The following LARP4B variants were observed in gnomAD, a reference collection of about 807,000 sequenced individuals.
LARP4B encodes the protein La ribonucleoprotein 4B, also known as la-related protein 4B.
Under a neutral mutation model 89.8 loss-of-function variants are expected in LARP4B, and 12 were observed. The ratio of observed to expected loss-of-function variants is 0.13; its 90% CI spans 0.09 to 0.22. The LOEUF (loss-of-function observed/expected upper bound fraction) is 0.22. LARP4B is among the 10% of genes least tolerant of loss of function. The pLI, the probability that LARP4B is intolerant of heterozygous loss-of-function variation, is 1.00. For missense variants in LARP4B, 757 were observed against 947.7 expected (o/e 0.80, Z 2.64); for synonymous variants, 367 against 363.3 (o/e 1.01, Z -0.12).
chr10:812,541 TA>T lies in LARP4B; in HGVS notation c.*384del, dbSNP rs58718835. On this transcript the variant is annotated 3_prime_UTR_variant, in exon 18 of 18. Transcript: ENST00000316157. The stretch of plus-strand genomic sequence containing the variant: ...GATATGCACTTACAGACCAGTTACT[TA>T]AAAAAAAAAAAAAAAAGCAGAGTTC... The T allele has an allele frequency of 2.7e-3, 363 of 132,898 alleles. No individual in the cohort carries two copies. The highest frequency in any genetic ancestry group is 3.9e-3 in the Middle Eastern group (1 of 254). The allele number at this position is 132,898 out of a possible 1,614,324, so 8.2% of individuals were successfully genotyped here.
chr10:823,724 C>T (rs1832474152), intron 13 of LARP4B, among the ~76,000 whole-genome samples: 1 of 151,944 alleles, frequency 6.6e-6, no homozygotes, highest in South Asian at 2.1e-4. Flanking sequence ...AACCCTCCTC[C>T]CTCCAAGCGT....
At chr10:967,244 C>T in the LARP4B span, among the ~76,000 whole-genome samples, 7 of 152,082 alleles carry the variant, frequency 4.6e-5, no homozygotes, top group African/African-American at 1.7e-4. Context: ...ATGGGCGCAG[C>T]GCAGGGAGGA....
chr10:919,493 TG>T (rs1342742468), intron 1 of LARP4B, among the ~76,000 whole-genome samples: 1 of 149,788 alleles, frequency 6.7e-6, no homozygotes, highest in South Asian at 2.1e-4. Flanking sequence ...GAAGAATAAA[TG>T]GGGGGAAAAA....
intron 17 of LARP4B, among the ~76,000 whole-genome samples, chr10:813,894 C>T (rs771940761): frequency 1.3e-5 from 2 of 151,126 alleles, no homozygotes; most frequent in South Asian, 4.2e-4. Flanking sequence ...CTCTGCCTTC[C>T]GGGTTCAAGT....
intron 8 of LARP4B, among the ~76,000 whole-genome samples, chr10:833,265 A>AG (rs1564391994): frequency 6.8e-6 from 1 of 147,208 alleles, no homozygotes; most frequent in African/African-American, 2.5e-5. Context: ...AAAAAAAAAA[A>AG]AAAAAAAAAA....
chr10:857,126 C>A (rs930046611), intron 5 of LARP4B, among the ~76,000 whole-genome samples: 1 of 152,060 alleles, frequency 6.6e-6, no homozygotes, highest in Non-Finnish European at 1.5e-5. Flanking sequence ...AGTTACAAGG[C>A]ATACACAAAG....
rs61741957 is a variant in LARP4B at position 817,866 on chromosome 10, C to T, written c.1554G>A (p.Thr518=). The change falls in exon 15 of 18, where the codon ACG becomes ACA. Residue 518 remains threonine, a synonymous_variant. Coordinates refer to ENST00000316157, the MANE Select transcript of LARP4B (RefSeq NM_015155.3). ...AGCTTGGCGACGGAGGCTTTGGTGG[C>T]GTTGGAGACTGTGTCTGGCTGCTCT... is the stretch of plus-strand genomic sequence containing the variant. ...KFTSSQTQSP[T]PPKPPSPSFE... The T allele has an allele frequency of 2.5e-4, 396 of 1,613,962 alleles. No homozygotes were observed. The African/African-American group carries it at 4.1e-3, about 17-fold the overall frequency.
chr10:933,693 T>TA (rs1830713825), upstream of LARP4B, among the ~76,000 whole-genome samples: 6 of 152,346 alleles, frequency 3.9e-5, no homozygotes, highest in South Asian at 8.3e-4. Flanking sequence ...CCCTGACCAG[T>TA]AGGCCATAGT....
chr10:956,507 A>G, the LARP4B span, among the ~76,000 whole-genome samples: 17 of 151,962 alleles, frequency 1.1e-4, no homozygotes, highest in South Asian at 4.2e-4. The surrounding 1 kb of genome is among the most constrained non-coding windows in gnomAD (Gnocchi z 4.3). Flanking sequence ...CACCACGCCC[A>G]GCTAATTTTT....
At chr10:956,384 C>A in the LARP4B span, among the ~76,000 whole-genome samples, 1 of 151,550 alleles carries the variant, frequency 6.6e-6, no homozygotes, top group Non-Finnish European at 1.5e-5. This position sits in a 1 kb window ranked among gnomAD's most constrained non-coding sequence, Gnocchi z 4.3. Flanking sequence ...CTCACTGTGT[C>A]CCCCAGGCTG....
the LARP4B span, among the ~76,000 whole-genome samples, chr10:943,851 C>A: frequency 2.6e-5 from 4 of 151,846 alleles, no homozygotes; most frequent in Admixed American, 2.6e-4. Flanking sequence ...TTGGTGGTGT[C>A]CACGTAAGCT....
rs776419199 is a variant in LARP4B at position 825,754 on chromosome 10, C to T, written c.1232+10G>A. The T allele has an allele frequency of 2.1e-5, 34 of 1,605,686 alleles. No individual in the cohort carries two copies. The highest frequency in any genetic ancestry group is 3.3e-5 in the Admixed American group (2 of 59,750). Reference sequence around the variant, plus strand: ...AAGACCAAAACTGCTAAGACCGCCCCGGAACTTGCCTGCTTCGAGGAGGAT... The same window carrying T: ...AAGACCAAAACTGCTAAGACCGCCCTGGAACTTGCCTGCTTCGAGGAGGAT... On this transcript the variant is annotated intron_variant, in intron 12 of 17. Transcript: ENST00000316157.
chr10:933,347 G>C (rs2132081483), upstream of LARP4B, among the ~76,000 whole-genome samples: 1 of 152,236 alleles, frequency 6.6e-6, no homozygotes, highest in Middle Eastern at 3.4e-3. Context: ...TCTGAGCTCA[G>C]AGTGCTGTCT....
intron 1 of LARP4B, among the ~76,000 whole-genome samples, chr10:924,913 T>C (rs376587030): frequency 2.0e-5 from 3 of 152,240 alleles, no homozygotes; most frequent in African/African-American, 7.2e-5. Context: ...CTACCAGATA[T>C]TGTTCTAAGG....
At chr10:902,638 CTTT>C (rs537413514) in intron 1 of LARP4B, among the ~76,000 whole-genome samples, 186 of 140,244 alleles carry the variant, frequency 1.3e-3, no homozygotes, top group African/African-American at 3.1e-3. Flanking sequence ...AACATAAAAT[CTTT>C]TTTTTTTTTT....
intron 5 of LARP4B, among the ~76,000 whole-genome samples, chr10:856,475 G>A (rs1834307518): frequency 6.6e-6 from 1 of 152,206 alleles, no homozygotes; most frequent in Non-Finnish European, 1.5e-5. Context: ...GCAAACAACT[G>A]CTGCCAAATT....
the LARP4B span, among the ~76,000 whole-genome samples, chr10:959,916 TCC>T: frequency 8.4e-6 from 1 of 118,908 alleles, no homozygotes; most frequent in South Asian, 3.0e-4. Flanking sequence ...TCCCACCTCC[TCC>T]TCAATCCCAC....
intron 1 of LARP4B, among the ~76,000 whole-genome samples, chr10:915,449 C>T (rs1836792328): frequency 6.6e-6 from 1 of 152,134 alleles, no homozygotes; most frequent in South Asian, 2.1e-4. Context: ...CTGTTGGTCT[C>T]ATGTCGTCTT....
chr10:931,249 C>G (rs1251386045), intron 1 of LARP4B, among the ~76,000 whole-genome samples, 179 bp downstream of exon 1: 1 of 149,918 alleles, frequency 6.7e-6, no homozygotes, highest in Non-Finnish European at 1.5e-5. Flanking sequence ...GTGCCCTAGC[C>G]CCGGTCCTCC....
Sources: gnomAD v4.1 joint callset for allele counts (sites outside exome capture counted in the v4.1 genomes callset) on GRCh38, gnomAD v4.1.1 for gene constraint, Gnocchi (gnomAD v3.1) non-coding constraint, MANE v1.5 for transcripts, NCBI Gene and HGNC (gene_info 2026-07-23, HGNC 2026-07-21) for gene names.